The following TSNAXIP1 variants were observed in gnomAD, a reference collection of about 807,000 sequenced individuals.
The protein encoded by TSNAXIP1 is translin associated factor X interacting protein 1.
A neutral mutation model predicts 84.8 loss-of-function variants in TSNAXIP1; 89 were observed. The ratio of observed to expected loss-of-function variants is 1.05; its 90% CI spans 0.88 to 1.25. TSNAXIP1 has a LOEUF of 1.25. Ranked by LOEUF, TSNAXIP1 falls within the 50% of genes most tolerant of loss-of-function variation. The pLI, the probability that TSNAXIP1 is intolerant of heterozygous loss-of-function variation, is 0.00. For synonymous variants in TSNAXIP1, 347 were observed against 335.2 expected, an observed-to-expected ratio of 1.04 and a Z score of -0.39; for missense variants, 874 against 887.6, an observed-to-expected ratio of 0.98 and a Z score of 0.20.
intron 1 of TSNAXIP1, chr16:67,807,869 A>G (rs938097516): frequency 1.3e-5 from 2 of 155,620 alleles, no homozygotes; most frequent in Non-Finnish European, 2.9e-5. Context: ...GCCTGGAGAG[A>G]TCATCCTCTG....
intron 1 of TSNAXIP1, among the ~76,000 whole-genome samples, chr16:67,810,499 A>G (rs1411390490): frequency 6.6e-6 from 1 of 151,808 alleles, no homozygotes. Flanking sequence ...CTCACCTGCA[A>G]TCCCAGCTAC....
At position 67,819,759 on chromosome 16, in the gene TSNAXIP1, TGCCTCA is replaced by T. The variant is rs2056883173; in HGVS notation, c.148-1074_148-1069del. Among the ~76,000 whole-genome samples, 5 of 150,876 alleles carry T rather than the reference TGCCTCA, an allele frequency of 3.3e-5. No homozygotes were observed. In the South Asian group the frequency reaches 1.1e-3, roughly 32 times the overall value. ...GCTTCCCGGGTTCAAGGGATTCTCC[TGCCTCA>T]GCCTCCTGAGTAGCTGGGACTATAA... On this transcript the variant is annotated intron_variant, in intron 2 of 15. Transcript: ENST00000561639.
At position 67,825,736 on chromosome 16, in the gene TSNAXIP1, C is replaced by T. The variant is rs201348702; in HGVS notation, c.884C>T (p.Thr295Met). ...ATGACCCGGCAAGACCTGACCCGCACGCAGATGGAACTCAACAACATGAAG... is the reference window on the plus strand; with the variant it reads ...ATGACCCGGCAAGACCTGACCCGCATGCAGATGGAACTCAACAACATGAAG... ...LKMTRQDLTRTQMELNNMKAN... is the reference protein window; with the variant it reads ...LKMTRQDLTRMQMELNNMKAN... Residue 295 changes from threonine (T) to methionine (M), a missense_variant, in exon 8 of 16, where the codon ACG becomes ATG. Coordinates refer to ENST00000561639, the MANE Select transcript of TSNAXIP1 (RefSeq NM_001288990.3). 5.0e-5 allele frequency: 80 copies of T among 1,614,032 alleles called. 1 individual carries two copies. Among genetic ancestry groups the T allele is most frequent in the South Asian group, 2.6e-4 (24 of 91,084 alleles).
intron 2 of TSNAXIP1, among the ~76,000 whole-genome samples, chr16:67,814,845 G>A (rs1444011496): frequency 6.6e-6 from 1 of 152,114 alleles, no homozygotes; most frequent in East Asian, 1.9e-4. Flanking sequence ...CAGGCTACCT[G>A]AATGTCTGCC....
chr16:67,827,661 C>T (rs1337591102), intron 15 of TSNAXIP1, 82 bp downstream of exon 15: 1 of 1,610,302 alleles, frequency 6.2e-7, no homozygotes, highest in Non-Finnish European at 8.5e-7. Context: ...ATGCACCATC[C>T]ACTGCTCAGC....
chr16:67,825,345 C>T, intron 7 of TSNAXIP1, 73 bp downstream of exon 7: 1 of 1,578,934 alleles, frequency 6.3e-7, no homozygotes, highest in South Asian at 1.2e-5. Flanking sequence ...CCCCTAAGCC[C>T]CATTCATTCA....
chr16:67,822,791 A>C (rs963036243), intron 4 of TSNAXIP1, among the ~76,000 whole-genome samples: 1 of 152,154 alleles, frequency 6.6e-6, no homozygotes. Context: ...AAAGCATACC[A>C]CTATGGCGTA....
intron 4 of TSNAXIP1, among the ~76,000 whole-genome samples, chr16:67,822,278 CAAAA>C (rs931299742): frequency 5.8e-5 from 3 of 51,940 alleles, no homozygotes; most frequent in Non-Finnish European, 4.1e-5. Flanking sequence ...GACTCCATCT[CAAAA>C]AAAAAAAAAA....
intron 3 of TSNAXIP1, 72 bp from the exon 4 acceptor site, chr16:67,821,027 G>A (rs1034512807): frequency 9.4e-6 from 15 of 1,602,776 alleles, no homozygotes; most frequent in African/African-American, 1.3e-5. Context: ...GCAGGGGCGT[G>A]TGTTGCCCCA....
In TSNAXIP1 at chr16:67,807,068, G is replaced by A; in HGVS notation, c.-82G>A. 3 of 1,512,646 alleles carry A rather than the reference G, an allele frequency of 2.0e-6. No homozygotes were observed. Among genetic ancestry groups the A allele is most frequent in the Non-Finnish European group, 2.6e-6 (3 of 1,132,948 alleles). 93.7% of individuals were successfully genotyped at this position (1,512,646 alleles called of 1,614,324 possible). A position where few individuals can be genotyped will look rare whatever the true frequency, so the allele number is the denominator to read the frequency against. On this transcript the variant is annotated 5_prime_UTR_variant, in exon 1 of 16. Transcript: ENST00000561639. Reference sequence around the variant, plus strand: ...GCCCCCGCCGCGGGGGGGCCTCTGGGGCCTGGTCGCCATGGCGACCGGCTG... The same window carrying A: ...GCCCCCGCCGCGGGGGGGCCTCTGGAGCCTGGTCGCCATGGCGACCGGCTG...
In TSNAXIP1 at chr16:67,826,465, T is replaced by C; in HGVS notation, c.1304T>C (p.Leu435Pro). ...TATGGGGAAGCCATCCCTGCTTTTC[T>C]TCGGTTTGATGGCCTCGTGGAGAAC... ...LGYGEAIPAF[L>P]RFDGLVENKK... is the part of the protein sequence containing the mutation. Residue 435 changes from leucine to proline, a missense_variant, in exon 11 of 16, where the codon CTT (leucine) becomes CCT (proline). Leu to Pro is a moderately conservative substitution (Grantham distance 98). Transcript: ENST00000561639. 1 of 1,614,018 alleles carries C rather than the reference T, an allele frequency of 6.2e-7. No homozygotes were observed. Among genetic ancestry groups the C allele is most frequent in the Non-Finnish European group, 8.5e-7 (1 of 1,180,006 alleles).
chr16:67,818,821 G>A (rs975788131), intron 2 of TSNAXIP1, among the ~76,000 whole-genome samples: 3 of 150,924 alleles, frequency 2.0e-5, no homozygotes, highest in Non-Finnish European at 4.4e-5. Context: ...CTTCTGCCTC[G>A]GCCTCCGAAA....
At chr16:67,814,640 A>T (rs1351836718) in intron 2 of TSNAXIP1, among the ~76,000 whole-genome samples, 2 of 152,074 alleles carry the variant, frequency 1.3e-5, no homozygotes, top group Non-Finnish European at 2.9e-5. Context: ...GGATCTCCCT[A>T]GGCAGAGAGA....
chr16:67,820,363 A>G (rs1381305835), intron 2 of TSNAXIP1, among the ~76,000 whole-genome samples: 1 of 152,216 alleles, frequency 6.6e-6, no homozygotes, highest in Non-Finnish European at 1.5e-5. Flanking sequence ...GACATAGCTA[A>G]TAAGGGACAT....
Position 67,814,384 on chromosome 16 carries a change from C to T in TSNAXIP1, c.130C>T (p.Gln44Ter). The change falls in exon 2 of 16, where the codon CAG becomes TAG. Residue 44 changes from glutamine (Q) to a stop codon, truncating the protein, a stop_gained. Transcript: ENST00000561639. LOFTEE classifies it high-confidence loss of function. ...DKSTQNRKLL[Q>*]KRRTLTGQFS... is the part of the protein sequence containing the mutation. ...GAGCACCCAGAATCGCAAGCTTCTT[C>T]AGAAACGAAGGACGCTGGTTAGTGA... 1 of 1,536,046 alleles carries T rather than the reference C, an allele frequency of 6.5e-7. No homozygotes were observed. The highest frequency in any genetic ancestry group is 1.2e-5 in the South Asian group (1 of 84,056).
At chr16:67,827,708 GGA>G in intron 15 of TSNAXIP1, 43 bp from the exon 16 acceptor site, 1 of 1,612,028 alleles carries the variant, frequency 6.2e-7, no homozygotes, top group East Asian at 2.2e-5. Flanking sequence ...TCTGGGGCAC[GGA>G]GAGGAGGGGT....
intron 2 of TSNAXIP1, among the ~76,000 whole-genome samples, chr16:67,816,155 G>C (rs1287726140): frequency 6.6e-6 from 1 of 151,664 alleles, no homozygotes; most frequent in African/African-American, 2.4e-5. Flanking sequence ...TTTTAGTAGA[G>C]ATGGGGTTTT....
At position 67,806,931 on chromosome 16, in the gene TSNAXIP1, T is replaced by C; in HGVS notation, c.-219T>C. On this transcript the variant is annotated 5_prime_UTR_variant, in exon 1 of 16. Coordinates refer to ENST00000561639, the MANE Select transcript of TSNAXIP1 (RefSeq NM_001288990.3). ...CTGGTACCTGGGGTCAAATCGGCTG[T>C]AGTGGTTGACTCTCAGGGCACCCGC... 1 of 659,242 alleles carries C rather than the reference T, an allele frequency of 1.5e-6. No homozygotes were observed. The highest frequency in any genetic ancestry group is 2.5e-6 in the Non-Finnish European group (1 of 392,600). The allele number at this position is 659,242 out of a possible 1,614,324, so 40.8% of individuals were successfully genotyped here.
At position 67,824,621 on chromosome 16, in the gene TSNAXIP1, A is replaced by G; in HGVS notation, c.520A>G (p.Lys174Glu). ...REKIRALEPLKAKLVTVNEDC... is the reference protein window; with the variant it reads ...REKIRALEPLEAKLVTVNEDC... Reference sequence around the variant, plus strand: ...GAAGATTCGGGCTCTGGAGCCCCTGAAGGCCAAGCTTGTCACTGTGAATGA... The same window carrying G: ...GAAGATTCGGGCTCTGGAGCCCCTGGAGGCCAAGCTTGTCACTGTGAATGA... The change falls in exon 6 of 16, where the codon AAG becomes GAG. Residue 174 changes from lysine (K) to glutamate (E), a missense_variant. Physicochemically the swap from Lys to Glu is moderately conservative, Grantham distance 56. Transcript: ENST00000561639. The G allele has an allele frequency of 6.2e-7, 1 of 1,614,150 alleles. No individual in the cohort carries two copies.
Sources: allele counts gnomAD v4.1 joint callset (sites outside exome capture counted in the v4.1 genomes callset), GRCh38; gene constraint gnomAD v4.1.1; transcripts MANE v1.5; gene names NCBI Gene and HGNC (gene_info 2026-07-23, HGNC 2026-07-21).